Variants in NINJ2 observed in about 807,000 individuals in gnomAD.
NINJ2 encodes the protein ninjurin 2.
NINJ2 carries 12 observed loss-of-function variants against 11.7 expected under a neutral mutation model. That is an observed-to-expected ratio of 1.02 (90% CI 0.66 to 1.66). The LOEUF (loss-of-function observed/expected upper bound fraction) is 1.66, where lower values mean the gene tolerates loss of function less well. NINJ2 is among the 40% of genes most tolerant of loss of function. NINJ2 has a pLI of 0.00. For synonymous variants in NINJ2, 93 were observed against 76.8 expected (o/e 1.21, Z -1.10); for missense variants, 187 against 181.8 (o/e 1.03, Z -0.16).
chr12:618,863 T>C (rs1156405310), intron 1 of NINJ2, among the ~76,000 whole-genome samples: 1 of 152,196 alleles, frequency 6.6e-6, no homozygotes, highest in Non-Finnish European at 1.5e-5. Flanking sequence ...GCTTTGGCTC[T>C]AGACTCAGAT....
chr12:596,739 A>G, intron 1 of NINJ2, among the ~76,000 whole-genome samples: 1 of 152,130 alleles, frequency 6.6e-6, no homozygotes, highest in East Asian at 1.9e-4. Context: ...CCTGGGGGAC[A>G]TGGCAAAATC....
rs559832155 is a variant in NINJ2 at position 580,460 on chromosome 12, C to T, written c.34-14282G>A. On this transcript the variant is annotated intron_variant, in intron 1 of 3. Coordinates refer to ENST00000305108, the MANE Select transcript of NINJ2 (RefSeq NM_016533.6). The surrounding 1 kb of genome is among the most constrained non-coding windows in gnomAD (Gnocchi z 4.7). ...AAAATTAGCCAGATGTGGTGGTGCA[C>T]GCCTATAATTCCAGCTACTCGGGAG... 2.2e-4 allele frequency among the ~76,000 whole-genome samples: 33 copies of T among 151,910 alleles called. No individual in the cohort carries two copies. The highest frequency in any genetic ancestry group is 4.1e-4 in the Non-Finnish European group (28 of 67,976).
At chr12:602,166 C>G (rs1450112601) in intron 1 of NINJ2, among the ~76,000 whole-genome samples, 2 of 152,206 alleles carry the variant, frequency 1.3e-5, no homozygotes, top group Non-Finnish European at 2.9e-5. Flanking sequence ...GAGCCATAAT[C>G]CACACACCAC....
intron 1 of NINJ2, among the ~76,000 whole-genome samples, chr12:606,781 C>T (rs545572493): frequency 7.2e-5 from 11 of 152,240 alleles, no homozygotes; most frequent in Admixed American, 2.0e-4. Flanking sequence ...GGAAGGTGTG[C>T]GCCACCAAAA....
intron 1 of NINJ2, among the ~76,000 whole-genome samples, chr12:593,243 T>C (rs1947738418): frequency 6.6e-6 from 1 of 152,186 alleles, no homozygotes; most frequent in African/African-American, 2.4e-5. Flanking sequence ...TACTAAGAAC[T>C]CTTAGGGGAA....
intron 1 of NINJ2, among the ~76,000 whole-genome samples, chr12:571,953 G>A (rs919011800): frequency 1.3e-5 from 2 of 152,186 alleles, no homozygotes; most frequent in Non-Finnish European, 2.9e-5. Flanking sequence ...TGGGGCCTGT[G>A]GCAGGCAGTG....
At chr12:616,256 G>A (rs1398606838) in intron 1 of NINJ2, among the ~76,000 whole-genome samples, 1 of 152,196 alleles carries the variant, frequency 6.6e-6, no homozygotes, top group Non-Finnish European at 1.5e-5. Context: ...AGGAAGCAAA[G>A]GCCATGGTAA....
chr12:597,082 C>A (rs1001781040), intron 1 of NINJ2, among the ~76,000 whole-genome samples: 4 of 152,132 alleles, frequency 2.6e-5, no homozygotes, highest in African/African-American at 9.7e-5. Flanking sequence ...CTATTAAGTA[C>A]AATTATGATC....
intron 1 of NINJ2, among the ~76,000 whole-genome samples, chr12:634,262 G>GTTTTTTTTTTTTTTTTTTTTTTTTTTT (rs1565643231): frequency 1.3e-5 from 1 of 75,622 alleles, no homozygotes; most frequent in Admixed American, 1.9e-4. Context: ...ATTAGTTGCA[G>GTTTTTTTTTTTTTTTTTTTTTTTTTTT]TTCTTTTTTT....
chr12:655,255 A>G (rs1937857687), intron 1 of NINJ2, among the ~76,000 whole-genome samples: 1 of 152,214 alleles, frequency 6.6e-6, no homozygotes, highest in Admixed American at 6.5e-5. Flanking sequence ...AGGAAGTCCT[A>G]GTAAATGCAA....
chr12:606,991 G>A lies in NINJ2; in HGVS notation c.34-40813C>T, dbSNP rs764657803. Reference sequence around the variant, plus strand: ...TTGAATCCCCGGCCCCAACTCTTCCGGAGGCCCGGCTGCAATCCTGTCCTT... The same window carrying A: ...TTGAATCCCCGGCCCCAACTCTTCCAGAGGCCCGGCTGCAATCCTGTCCTT... On this transcript the variant is annotated intron_variant, in intron 1 of 3. Coordinates refer to ENST00000305108, the MANE Select transcript of NINJ2 (RefSeq NM_016533.6). Among the ~76,000 whole-genome samples the A allele has an allele frequency of 1.8e-4, 28 of 152,294 alleles. 1 individual carries two copies. The highest frequency in any genetic ancestry group is 1.0e-3 in the South Asian group (5 of 4,824).
intron 1 of NINJ2, among the ~76,000 whole-genome samples, chr12:567,030 G>A (rs1191491415): frequency 1.3e-5 from 2 of 152,198 alleles, no homozygotes; most frequent in Admixed American, 6.5e-5. Context: ...GTGGTGCTTG[G>A]AACAGACTGG....
At chr12:578,177 A>G (rs1460934953) in intron 1 of NINJ2, among the ~76,000 whole-genome samples, 3 of 152,126 alleles carry the variant, frequency 2.0e-5, no homozygotes, top group African/African-American at 4.8e-5. Context: ...TACTCAATCA[A>G]TCATGACCCT....
At chr12:588,552 G>A (rs1421855279) in intron 1 of NINJ2, among the ~76,000 whole-genome samples, 1 of 152,134 alleles carries the variant, frequency 6.6e-6, no homozygotes, top group African/African-American at 2.4e-5. Context: ...GGGACTCTGA[G>A]GTTAAGTAAC....
At chr12:595,128 C>G (rs1947765909) in intron 1 of NINJ2, among the ~76,000 whole-genome samples, 1 of 151,734 alleles carries the variant, frequency 6.6e-6, no homozygotes, top group African/African-American at 2.4e-5. Context: ...ACTGGACATC[C>G]ACATGCAAAA....
chr12:645,283 A>G (rs1425789878), intron 1 of NINJ2: 1 of 152,182 alleles, frequency 6.6e-6, no homozygotes, highest in Non-Finnish European at 1.5e-5. Flanking sequence ...TGCACAAGTG[A>G]TTTAACTTCT....
intron 1 of NINJ2, among the ~76,000 whole-genome samples, chr12:576,650 C>A (rs182146193): frequency 0.012 from 1,784 of 152,348 alleles, 116 homozygotes; most frequent in Admixed American, 0.11. Context: ...CGAGCCGCCA[C>A]CCCGGCCTCC....
At chr12:612,457 C>A (rs573822044) in intron 1 of NINJ2, among the ~76,000 whole-genome samples, 86 of 152,124 alleles carry the variant, frequency 5.7e-4, no homozygotes, top group Non-Finnish European at 1.2e-3. Flanking sequence ...CCAAGCAGGG[C>A]CAATCAGATT....
chr12:652,012 G>GA (rs1565649421), intron 1 of NINJ2, among the ~76,000 whole-genome samples: 2 of 152,048 alleles, frequency 1.3e-5, no homozygotes, highest in Non-Finnish European at 2.9e-5. Context: ...AGGCAGAAAG[G>GA]AACAGAAAAA....
Sources: gnomAD v4.1 joint callset for allele counts (sites outside exome capture counted in the v4.1 genomes callset) on GRCh38, gnomAD v4.1.1 for gene constraint, Gnocchi (gnomAD v3.1) non-coding constraint, MANE v1.5 for transcripts, NCBI Gene and HGNC (gene_info 2026-07-23, HGNC 2026-07-21) for gene names.